The following ADAM23 variants were observed in gnomAD, a reference collection of about 807,000 sequenced individuals.
The protein encoded by ADAM23 is ADAM metallopeptidase domain 23, also known as disintegrin and metalloproteinase domain-containing protein 23.
In ADAM23, 33 loss-of-function variants were observed where a neutral mutation model predicts 120.1. The observed-to-expected ratio is 0.27, with a 90% confidence interval of 0.21 to 0.37. The LOEUF (loss-of-function observed/expected upper bound fraction) is 0.37. ADAM23 is among the 10% of genes least tolerant of loss of function. ADAM23 has a pLI of 1.00. For missense variants in ADAM23, 862 were observed against 1,058.2 expected, an observed-to-expected ratio of 0.81 and a Z score of 2.57; for synonymous variants, 367 against 375.2, an observed-to-expected ratio of 0.98 and a Z score of 0.25.
intron 3 of ADAM23, among the ~76,000 whole-genome samples, chr2:206,519,431 T>G (rs1696801457): frequency 6.6e-6 from 1 of 152,078 alleles, no homozygotes; most frequent in Non-Finnish European, 1.5e-5. Context: ...CAATCATGAC[T>G]TTTTTTTAAA....
At chr2:206,553,224 A>G (rs1050646752) in intron 9 of ADAM23, among the ~76,000 whole-genome samples, 7 of 152,058 alleles carry the variant, frequency 4.6e-5, no homozygotes, top group Non-Finnish European at 8.8e-5. Context: ...CTAAAATATA[A>G]ATATATATAT....
rs1032647522 is a variant in ADAM23, at chr2:206,506,600, G to A, written c.510-24285G>A. ...TGGTTTTTACTCTTTCAAGCATTTC[G>A]TCAGTTATAGCTTGAAATCTGTATT... is the stretch of plus-strand genomic sequence containing the variant. On this transcript the variant is annotated intron_variant, in intron 3 of 25. Transcript: ENST00000264377. Among the ~76,000 whole-genome samples the A allele has an allele frequency of 3.9e-5, 6 of 152,258 alleles. No individual in the cohort carries two copies. In the East Asian group the frequency reaches 7.7e-4, roughly 20 times the overall value.
intron 24 of ADAM23, among the ~76,000 whole-genome samples, chr2:206,603,077 G>A (rs999025976): frequency 1.3e-5 from 2 of 151,974 alleles, no homozygotes; most frequent in Admixed American, 1.3e-4. Flanking sequence ...AGGAAAATAA[G>A]ATATATCATC....
chr2:206,537,887 A>G (rs982274730), intron 4 of ADAM23, among the ~76,000 whole-genome samples: 3 of 152,210 alleles, frequency 2.0e-5, no homozygotes, highest in African/African-American at 7.2e-5. Context: ...ACACTAAATC[A>G]CTTAAATTAG....
chr2:206,567,050 A>G (rs1379310205), intron 14 of ADAM23, among the ~76,000 whole-genome samples, 173 bp from the exon 15 acceptor site: 2 of 152,192 alleles, frequency 1.3e-5, no homozygotes, highest in East Asian at 1.9e-4. Context: ...CATCTCTGCA[A>G]ACTCCACCAC....
intron 3 of ADAM23, among the ~76,000 whole-genome samples, chr2:206,497,083 G>A (rs1696268074): frequency 1.3e-5 from 2 of 152,128 alleles, no homozygotes; most frequent in South Asian, 2.1e-4. Flanking sequence ...ACAAGGAGGA[G>A]CTGGTACCAT....
At chr2:206,464,677 T>C (rs1047084554) in intron 2 of ADAM23, among the ~76,000 whole-genome samples, 1 of 151,766 alleles carries the variant, frequency 6.6e-6, no homozygotes, top group Non-Finnish European at 1.5e-5. Context: ...ACATAGAGAG[T>C]AGGGGTTCTC....
chr2:206,458,389 G>A (rs1695343828), intron 2 of ADAM23, among the ~76,000 whole-genome samples: 2 of 152,204 alleles, frequency 1.3e-5, no homozygotes, highest in South Asian at 2.1e-4. Flanking sequence ...CAGTTGTGGC[G>A]AGGGGTGATT....
In ADAM23 at chr2:206,542,060, G is replaced by A. The variant is rs750612641; in HGVS notation, c.582G>A (p.Glu194=). The change falls in exon 5 of 26, where the codon GAG becomes GAA. Residue 194 remains glutamate, a synonymous_variant. Transcript: ENST00000264377. ...TGAAACCTGCTTTCCAGGGTGGAGA[G>A]CACTGTTACTACCATGGAAGCATCA... is the stretch of plus-strand genomic sequence containing the variant. The part of the protein sequence containing the change: ...NGKPQYSKGG[E]HCYYHGSIRG... 2.5e-6 allele frequency: 4 copies of A among 1,614,090 alleles called. No individual in the cohort carries two copies. In the Admixed American group the frequency reaches 6.7e-5, roughly 27 times the overall value.
At chr2:206,573,910 A>C (rs1037401007) in intron 18 of ADAM23, among the ~76,000 whole-genome samples, 2 of 152,046 alleles carry the variant, frequency 1.3e-5, no homozygotes, top group Non-Finnish European at 2.9e-5. Flanking sequence ...GCTTTTTAAA[A>C]TGTTTCCTCC....
intron 3 of ADAM23, among the ~76,000 whole-genome samples, chr2:206,497,661 G>C (rs1696284997): frequency 6.6e-6 from 1 of 152,146 alleles, no homozygotes; most frequent in Admixed American, 6.6e-5. Context: ...AGGGCAGTCA[G>C]GCAGGAGAAG....
intron 2 of ADAM23, among the ~76,000 whole-genome samples, chr2:206,456,317 G>C (rs1695299358): frequency 6.6e-6 from 1 of 151,914 alleles, no homozygotes; most frequent in African/African-American, 2.4e-5. Flanking sequence ...ACTCTCATGA[G>C]AACAGCATGA....
At chr2:206,490,257 G>A (rs1345334657) in intron 3 of ADAM23, among the ~76,000 whole-genome samples, 1 of 152,202 alleles carries the variant, frequency 6.6e-6, no homozygotes, top group Non-Finnish European at 1.5e-5. Context: ...TGGACTTCTA[G>A]CCTTCCGAAC....
At chr2:206,582,959 G>C (rs1048822405) in intron 18 of ADAM23, among the ~76,000 whole-genome samples, 1 of 152,092 alleles carries the variant, frequency 6.6e-6, no homozygotes, top group Non-Finnish European at 1.5e-5. Flanking sequence ...AGTTTACCTG[G>C]TGCTTCTGTC....
intron 3 of ADAM23, among the ~76,000 whole-genome samples, chr2:206,517,387 G>A (rs1345528023): frequency 6.6e-6 from 1 of 152,146 alleles, no homozygotes; most frequent in Non-Finnish European, 1.5e-5. Context: ...TCAGGTTCCT[G>A]TGGATTCCTG....
chr2:206,468,009 A>G (rs1695576910), intron 2 of ADAM23, among the ~76,000 whole-genome samples: 1 of 152,192 alleles, frequency 6.6e-6, no homozygotes, highest in South Asian at 2.1e-4. Flanking sequence ...CCTGGGAAGC[A>G]GGGAGCAGTG....
At chr2:206,562,383 G>C in intron 13 of ADAM23, 90 bp downstream of exon 13, 6 of 932,106 alleles carry the variant, frequency 6.4e-6, no homozygotes, top group African/African-American at 1.6e-5. Context: ...TTTCATTCCA[G>C]TCATTATAGT....
intron 1 of ADAM23, 98 bp from the exon 2 acceptor site, chr2:206,445,209 G>T: frequency 1.2e-6 from 1 of 865,932 alleles, no homozygotes; most frequent in Non-Finnish European, 1.8e-6. Flanking sequence ...GAAATTAAAG[G>T]AAAAATGCAT....
chr2:206,598,518 T>A (rs1362584733), intron 24 of ADAM23, among the ~76,000 whole-genome samples: 1 of 152,156 alleles, frequency 6.6e-6, no homozygotes, highest in Non-Finnish European at 1.5e-5. Context: ...TAAAAAAAAA[T>A]AACTTTTTTG....
Sources: allele counts gnomAD v4.1 joint callset (sites outside exome capture counted in the v4.1 genomes callset), GRCh38; gene constraint gnomAD v4.1.1; transcripts MANE v1.5; gene names NCBI Gene and HGNC (gene_info 2026-07-23, HGNC 2026-07-21).